FGD3: variants seen among roughly 807,000 people sequenced by gnomAD.
FGD3 encodes the protein FYVE, RhoGEF and PH domain-containing protein 3.
In FGD3, 45 loss-of-function variants were observed where a neutral mutation model predicts 71.8. That is an observed-to-expected ratio of 0.63 (90% CI 0.49 to 0.80). The LOEUF (loss-of-function observed/expected upper bound fraction) is 0.80, where lower values mean the gene tolerates loss of function less well. FGD3 is among the 30% of genes least tolerant of loss of function. The pLI, the probability that FGD3 is intolerant of heterozygous loss-of-function variation, is 0.00. For missense variants in FGD3, 844 were observed against 951.5 expected, an observed-to-expected ratio of 0.89 and a Z score of 1.49; for synonymous variants, 378 against 392.8, an observed-to-expected ratio of 0.96 and a Z score of 0.44.
chr9:92,962,469 G>C (rs553064583), intron 1 of FGD3, among the ~76,000 whole-genome samples: 9 of 152,326 alleles, frequency 5.9e-5, no homozygotes, highest in African/African-American at 2.2e-4. Flanking sequence ...CCTCCTCAGG[G>C]GGCAGGAGCC....
chr9:92,978,554 T>A (rs1232579226), intron 3 of FGD3, among the ~76,000 whole-genome samples: 1 of 151,920 alleles, frequency 6.6e-6, no homozygotes, highest in Non-Finnish European at 1.5e-5. Flanking sequence ...CACACTTGCG[T>A]GCATTTGTGT....
At chr9:93,009,143 A>G (rs1861191627) in intron 6 of FGD3, among the ~76,000 whole-genome samples, 1 of 151,806 alleles carries the variant, frequency 6.6e-6, no homozygotes, top group South Asian at 2.1e-4. Flanking sequence ...TGCACCTGTA[A>G]TCCCAGTTAC....
In FGD3 at chr9:92,976,829, G is replaced by A. The variant is rs553022262; in HGVS notation, c.453+120G>A. On this transcript the variant is annotated intron_variant, in intron 3 of 17. Coordinates refer to ENST00000375482, the MANE Select transcript of FGD3 (RefSeq NM_001083536.2). ...CCAGGAATGTGGCACACAGGCTCGT[G>A]CTGTGTGCAAGGGGAGGTCCTGGGA... The A allele has an allele frequency of 6.0e-5, 69 of 1,158,902 alleles. No homozygotes were observed. The Admixed American group carries it at 1.1e-3, about 19-fold the overall frequency. 71.8% of individuals were successfully genotyped at this position (1,158,902 alleles called of 1,614,324 possible).
intron 3 of FGD3, among the ~76,000 whole-genome samples, chr9:92,997,253 CT>C (rs1860683216): frequency 6.6e-6 from 1 of 152,134 alleles, no homozygotes; most frequent in African/African-American, 2.4e-5. Context: ...CTCTTTTGAT[CT>C]TTGTTGGTTT....
At chr9:92,963,273 C>G (rs1392996203) in intron 1 of FGD3, among the ~76,000 whole-genome samples, 1 of 152,116 alleles carries the variant, frequency 6.6e-6, no homozygotes, top group Admixed American at 6.5e-5. Flanking sequence ...GAAACTGAGG[C>G]CCAGAGAAAT....
chr9:93,032,946 G>A (rs1193034077), intron 16 of FGD3, 73 bp downstream of exon 16: 1 of 1,369,744 alleles, frequency 7.3e-7, no homozygotes, highest in Admixed American at 1.7e-5. Context: ...CTGTGCCCCA[G>A]CAGCTCCAGC....
chr9:92,953,198 T>G (rs1858987375), intron 1 of FGD3, among the ~76,000 whole-genome samples: 1 of 152,172 alleles, frequency 6.6e-6, no homozygotes, highest in African/African-American at 2.4e-5. Flanking sequence ...TCATTCTCTA[T>G]TTACACATTG....
At position 93,020,420 on chromosome 9, in the gene FGD3, T is replaced by G. The variant is rs1861872449; in HGVS notation, c.1490T>G (p.Met497Arg). Reference sequence around the variant, plus strand: ...GAGGACCCCAGCCTCTCTCCAGACATGCCTGTGAGTCAGTGGCCCGGGGTG... The same window carrying G: ...GAGGACCCCAGCCTCTCTCCAGACAGGCCTGTGAGTCAGTGGCCCGGGGTG... ...QDEDPSLSPD[M>R]PITSTSPVEP... The change falls in exon 13 of 18, where the codon ATG becomes AGG. Residue 497 changes from methionine to arginine, a missense_variant. Coordinates refer to ENST00000375482, the MANE Select transcript of FGD3 (RefSeq NM_001083536.2). 2 of 1,612,760 alleles carry G rather than the reference T, an allele frequency of 1.2e-6. No individual in the cohort carries two copies. The highest frequency in any genetic ancestry group is 3.3e-5 in the Admixed American group (2 of 59,882).
At chr9:93,002,231 G>A (rs1465831533) in intron 3 of FGD3, among the ~76,000 whole-genome samples, 2 of 152,164 alleles carry the variant, frequency 1.3e-5, no homozygotes, top group Non-Finnish European at 2.9e-5. Flanking sequence ...TGGTGACGCT[G>A]CTGCTTTGCA....
At chr9:93,034,389 G>C in intron 16 of FGD3, 152 bp from the exon 17 acceptor site, 1 of 1,026,126 alleles carries the variant, frequency 9.7e-7, no homozygotes, top group Non-Finnish European at 1.4e-6. Flanking sequence ...TGCAAGCCGG[G>C]TGAGGCTGGT....
intron 16 of FGD3, chr9:93,033,315 TCCCCGTCCCCTTCTCCTCCTCC>T (rs1862436371): frequency 5.1e-6 from 1 of 196,930 alleles, no homozygotes; most frequent in Non-Finnish European, 9.5e-6. Flanking sequence ...CTCCTCCTCC[TCCCCGTCCCCTTCTCCTCCTCC>T]TCCCCGTCCC....
In FGD3 at chr9:93,014,033, C is replaced by G; in HGVS notation, c.1182+35C>G. 1.9e-6 allele frequency: 3 copies of G among 1,580,112 alleles called. No homozygotes were observed. The South Asian group carries it at 3.5e-5, about 18-fold the overall frequency. On this transcript the variant is annotated intron_variant, in intron 9 of 17. Coordinates refer to ENST00000375482, the MANE Select transcript of FGD3 (RefSeq NM_001083536.2). ...GCCCCTGCCAGCCCAGCCGCAGAGC[C>G]TCCCTTGCCATTTGCCTCAAGCCCA...
At chr9:93,032,643 C>A in intron 15 of FGD3, 126 bp from the exon 16 acceptor site, 1 of 886,486 alleles carries the variant, frequency 1.1e-6, no homozygotes, top group Non-Finnish European at 1.8e-6. Flanking sequence ...TCCCTCGCCA[C>A]ACGCCACACT....
rs746807401 is a variant in FGD3 at position 93,029,933 on chromosome 9, G to C, written c.1617G>C (p.Lys539Asn). ...GTGACAAGGAGAAGCAGAGCTGTAA[G>C]AGCTGTGGTGAGACCTTCAACTCCA... The part of the protein sequence containing the change: ...TRRDKEKQSC[K>N]SCGETFNSIT... The change falls in exon 15 of 18, where the codon AAG becomes AAC. Residue 539 changes from lysine to asparagine, a missense_variant. Coordinates refer to ENST00000375482, the MANE Select transcript of FGD3 (RefSeq NM_001083536.2). 3 of 1,613,656 alleles carry C rather than the reference G, an allele frequency of 1.9e-6. No individual in the cohort carries two copies. Among genetic ancestry groups the C allele is most frequent in the Non-Finnish European group, 2.5e-6 (3 of 1,179,786 alleles).
In FGD3 at chr9:93,009,537, T is replaced by C. The variant is rs192495915; in HGVS notation, c.838-709T>C. 4.8e-4 allele frequency among the ~76,000 whole-genome samples: 73 copies of C among 152,178 alleles called. No individual in the cohort carries two copies. In the South Asian group the frequency reaches 8.5e-3, roughly 18 times the overall value. ...CTCACAGGCTGCCCAGTGGGCATCA[T>C]CAGGGGAGGCAGAGGCAAAGTGGCC... On this transcript the variant is annotated intron_variant, in intron 6 of 17. Coordinates refer to ENST00000375482, the MANE Select transcript of FGD3 (RefSeq NM_001083536.2).
chr9:93,019,921 T>G, intron 12 of FGD3, 60 bp downstream of exon 12: 1 of 1,586,742 alleles, frequency 6.3e-7, no homozygotes, highest in Non-Finnish European at 8.7e-7. Flanking sequence ...GTAAGGCCAT[T>G]CATGTTGGTT....
intron 6 of FGD3, among the ~76,000 whole-genome samples, chr9:93,008,019 T>G (rs1861138509): frequency 6.6e-6 from 1 of 152,224 alleles, no homozygotes; most frequent in Admixed American, 6.5e-5. Flanking sequence ...GTTTCCTTCC[T>G]TTAATCAAAG....
intron 3 of FGD3, among the ~76,000 whole-genome samples, chr9:92,985,753 C>T (rs1860164402): frequency 6.6e-6 from 1 of 152,142 alleles, no homozygotes; most frequent in Non-Finnish European, 1.5e-5. Flanking sequence ...GCTAGGATTA[C>T]AAGCATGAAC....
chr9:93,025,032 C>T (rs79885005), intron 14 of FGD3, among the ~76,000 whole-genome samples: 6,097 of 152,280 alleles, frequency 0.04, 161 homozygotes, highest in East Asian at 0.12. Flanking sequence ...CCGTCACAGG[C>T]GAGAAGGTAA....
Sources: gnomAD v4.1 joint callset for allele counts (sites outside exome capture counted in the v4.1 genomes callset) on GRCh38, gnomAD v4.1.1 for gene constraint, MANE v1.5 for transcripts, NCBI Gene and HGNC (gene_info 2026-07-23, HGNC 2026-07-21) for gene names.